VAMP1: variants seen among roughly 807,000 people sequenced by gnomAD.
The protein encoded by VAMP1 is vesicle associated membrane protein 1.
In VAMP1, 16 loss-of-function variants were observed where a neutral mutation model predicts 19.1. The ratio of observed to expected loss-of-function variants is 0.84; its 90% confidence interval spans 0.57 to 1.27. VAMP1 has a LOEUF of 1.27. VAMP1 is among the 50% of genes most tolerant of loss of function. VAMP1 has a pLI of 0.00. For synonymous variants in VAMP1, 37 were observed against 50.2 expected, an observed-to-expected ratio of 0.74 and a Z score of 1.11; for missense variants, 109 against 145.4, an observed-to-expected ratio of 0.75 and a Z score of 1.29.
rs58490491 is a variant in VAMP1, at chr12:6,465,451, C to G, written c.288+391G>C. The G allele has an allele frequency of 4.6e-3, 345 of 74,652 alleles. 15 individuals are homozygous for G. Among genetic ancestry groups the G allele is most frequent in the African/African-American group, 0.021 (331 of 16,136 alleles). The allele number at this position is 74,652 out of a possible 1,614,324, so 4.6% of individuals were successfully genotyped here. On this transcript the variant is annotated intron_variant, in intron 3 of 4. Coordinates refer to ENST00000396308, the MANE Select transcript of VAMP1 (RefSeq NM_014231.5). ...ATAAATGTATATATATGTATATATA[C>G]ATATGTGTATATATAGTGTGTGTGT...
chr12:6,465,360 A>ATATATATATATAAATGTATATATATGTG (rs1565525915), intron 3 of VAMP1: 7 of 187,604 alleles, frequency 3.7e-5, no homozygotes, highest in African/African-American at 2.2e-4. Flanking sequence ...AGAAAAAAGT[A>ATATATATATATAAATGTATATATATGTG]TATATATATA....
chr12:6,464,738 T>C, intron 4 of VAMP1, 152 bp downstream of exon 4: 1 of 1,518,086 alleles, frequency 6.6e-7, no homozygotes, highest in Non-Finnish European at 8.8e-7. Flanking sequence ...GTCTCTGCCC[T>C]TCCCCCGTCC....
chr12:6,463,791 C>G lies in VAMP1; in HGVS notation c.*679G>C. 8.4e-7 allele frequency: 1 copy of G among 1,187,876 alleles called. No homozygotes were observed. Among genetic ancestry groups the G allele is most frequent in the Non-Finnish European group, 1.1e-6 (1 of 942,656 alleles). 73.6% of individuals were successfully genotyped at this position (1,187,876 alleles called of 1,614,324 possible). On this transcript the variant is annotated 3_prime_UTR_variant, in exon 5 of 5. Transcript: ENST00000396308. The surrounding 1 kb of genome is among the most constrained non-coding windows in gnomAD (Gnocchi z 4.0). ...GACTGCTTCTAGGATGGAAACAAGT[C>G]CTGCTATTTTCACAATCCCTAAGTG...
chr12:6,468,080 A>G lies in VAMP1; in HGVS notation c.3-1729T>C, dbSNP rs532870328. Reference sequence around the variant, plus strand: ...ACATGTGGGGTTGGAGCCCCCACACAGAGTCCCCACTGGAACACTGCCTAG... The same window carrying G: ...ACATGTGGGGTTGGAGCCCCCACACGGAGTCCCCACTGGAACACTGCCTAG... On this transcript the variant is annotated intron_variant, in intron 1 of 4. Coordinates refer to ENST00000396308, the MANE Select transcript of VAMP1 (RefSeq NM_014231.5). Among the ~76,000 whole-genome samples, 5 of 152,356 alleles carry G rather than the reference A, an allele frequency of 3.3e-5. No individual in the cohort carries two copies. The East Asian group carries it at 7.7e-4, about 23-fold the overall frequency.
chr12:6,464,321 T>G lies in VAMP1; in HGVS notation c.*149A>C. On this transcript the variant is annotated 3_prime_UTR_variant, in exon 5 of 5. Transcript: ENST00000396308. Reference sequence around the variant, plus strand: ...CTAGTGTTGAGGGACAGAGTGCAAATGAACGCAACGAAAAAGGAGGAATGG... The same window carrying G: ...CTAGTGTTGAGGGACAGAGTGCAAAGGAACGCAACGAAAAAGGAGGAATGG... 6.5e-7 allele frequency: 1 copy of G among 1,547,446 alleles called. No homozygotes were observed. Among genetic ancestry groups the G allele is most frequent in the East Asian group, 2.5e-5 (1 of 40,734 alleles).
chr12:6,468,062 G>C (rs1167689379), intron 1 of VAMP1, among the ~76,000 whole-genome samples: 1 of 152,232 alleles, frequency 6.6e-6, no homozygotes, highest in Non-Finnish European at 1.5e-5. Flanking sequence ...GGGACATGTG[G>C]GGTTGGAGCC....
chr12:6,463,411 T>C lies in VAMP1; in HGVS notation c.*1059A>G, dbSNP rs180779395. ...GGAAGAACCACTTGCCTCATCCCTG[T>C]CTTTGGCAAGTGCACGGGTGGTGTG... On this transcript the variant is annotated 3_prime_UTR_variant, in exon 5 of 5. Transcript: ENST00000396308. This position sits in a 1 kb window ranked among gnomAD's most constrained non-coding sequence, Gnocchi z 4.0. 26 of 1,057,134 alleles carry C rather than the reference T, an allele frequency of 2.5e-5. No individual in the cohort carries two copies. Among genetic ancestry groups the C allele is most frequent in the Non-Finnish European group, 2.9e-5 (25 of 872,324 alleles). 65.5% of individuals were successfully genotyped at this position (1,057,134 alleles called of 1,614,324 possible).
chr12:6,463,975 C>G lies in VAMP1; in HGVS notation c.*495G>C, dbSNP rs1761688691. 1 of 1,290,522 alleles carries G rather than the reference C, an allele frequency of 7.7e-7. No homozygotes were observed. The highest frequency in any genetic ancestry group is 1.5e-5 in the African/African-American group (1 of 65,936). The allele number at this position is 1,290,522 out of a possible 1,614,324, so 79.9% of individuals were successfully genotyped here. On this transcript the variant is annotated 3_prime_UTR_variant, in exon 5 of 5. Coordinates refer to ENST00000396308, the MANE Select transcript of VAMP1 (RefSeq NM_014231.5). This position sits in a 1 kb window ranked among gnomAD's most constrained non-coding sequence, Gnocchi z 4.0. ...TTGGACTTTGGTCCACCCCCAGGAC[C>G]CTCTTCAGGCCTGGTCCAGGAAGGA...
chr12:6,469,728 GAGA>G (rs770837286), intron 1 of VAMP1, among the ~76,000 whole-genome samples: 24 of 152,210 alleles, frequency 1.6e-4, no homozygotes, highest in Admixed American at 4.6e-4. Context: ...GGTCTTGACA[GAGA>G]AGTACTTCGT....
chr12:6,465,735 G>T, intron 3 of VAMP1, 107 bp downstream of exon 3: 2 of 1,432,654 alleles, frequency 1.4e-6, no homozygotes, highest in East Asian at 2.4e-5. Context: ...ATGCTGGTCA[G>T]AGAGATCCTG....
chr12:6,464,518 AAAAGAG>A (rs1167645319), intron 4 of VAMP1, 32 bp from the exon 5 acceptor site: 2 of 1,482,886 alleles, frequency 1.3e-6, no homozygotes, highest in Non-Finnish European at 1.8e-6. Flanking sequence ...TCCCAGACGG[AAAAGAG>A]AAAGAGACAG....
Position 6,465,887 on chromosome 12 carries a change from G to C in VAMP1, c.243C>G (p.Ser81Arg). Residue 81 changes from serine (S) to arginine (R), a missense_variant, in exon 3 of 5, where the codon AGC becomes AGG. Transcript: ENST00000396308. Reference protein sequence around the residue: ...ALQAGASQFESSAAKLKRKYW... With the variant: ...ALQAGASQFERSAAKLKRKYW... ...ACTTCCTCTTTAGCTTGGCAGCACT[G>C]CTCTCAAATTGTGATGCTCCTGCCT... is the stretch of plus-strand genomic sequence containing the variant. The C allele has an allele frequency of 6.2e-7, 1 of 1,614,216 alleles. No individual in the cohort carries two copies. Among genetic ancestry groups the C allele is most frequent in the Non-Finnish European group, 8.5e-7 (1 of 1,180,044 alleles).
In VAMP1 at chr12:6,462,938, C is replaced by T; in HGVS notation, c.*1532G>A. On this transcript the variant is annotated 3_prime_UTR_variant, in exon 5 of 5. Transcript: ENST00000396308. The stretch of plus-strand genomic sequence containing the variant: ...TGCTGCTGCATGGAAAGTGGGCATC[C>T]AGACCCTGCCCAGCATGGCCTCAGC... The T allele has an allele frequency of 1.9e-6, 3 of 1,556,764 alleles. No homozygotes were observed. Among genetic ancestry groups the T allele is most frequent in the Non-Finnish European group, 2.6e-6 (3 of 1,149,918 alleles).
chr12:6,464,511 C>T, intron 4 of VAMP1, 25 bp from the exon 5 acceptor site: 1 of 1,488,354 alleles, frequency 6.7e-7, no homozygotes, highest in Non-Finnish European at 8.9e-7. Flanking sequence ...CAGGAAGTCC[C>T]AGACGGAAAA....
chr12:6,466,287 C>T lies in VAMP1; in HGVS notation c.67G>A (p.Gly23Ser). ...TTACTGGTCATGTTAGGAGGAGGGC[C>T]AGGGGGACCCCCACCTGGGGCAGTC... ...EGTAPGGGPP[G>S]PPPNMTSNRR... Residue 23 changes from glycine to serine, a missense_variant, in exon 2 of 5, where the codon GGC becomes AGC. Gly to Ser is a moderately conservative substitution (Grantham distance 56). Transcript: ENST00000396308. 3 of 1,614,188 alleles carry T rather than the reference C, an allele frequency of 1.9e-6. No individual in the cohort carries two copies. Among genetic ancestry groups the T allele is most frequent in the Non-Finnish European group, 2.5e-6 (3 of 1,180,016 alleles).
intron 3 of VAMP1, among the ~76,000 whole-genome samples, chr12:6,465,572 C>G (rs1950002686): frequency 1.3e-5 from 2 of 151,088 alleles, no homozygotes; most frequent in Admixed American, 1.3e-4. Flanking sequence ...CAGGCAACTC[C>G]TTTGGGGTAA....
At chr12:6,468,589 C>T (rs1945688473) in intron 1 of VAMP1, among the ~76,000 whole-genome samples, 1 of 152,200 alleles carries the variant, frequency 6.6e-6, no homozygotes, top group Non-Finnish European at 1.5e-5. Flanking sequence ...CCTTCCTTTT[C>T]TGGATTTGAC....
At chr12:6,469,198 G>T (rs1165576667) in intron 1 of VAMP1, among the ~76,000 whole-genome samples, 1 of 152,168 alleles carries the variant, frequency 6.6e-6, no homozygotes, top group African/African-American at 2.4e-5. Context: ...GGAGCCACAA[G>T]ACTCTTGTCC....
At chr12:6,465,423 T>G (rs7310393) in intron 3 of VAMP1, 1 of 121,436 alleles carries the variant, frequency 8.2e-6, no homozygotes, top group African/African-American at 3.5e-5. Flanking sequence ...TGTATATATA[T>G]ATATAAATGT....
Sources: gnomAD v4.1 joint callset for allele counts (sites outside exome capture counted in the v4.1 genomes callset) on GRCh38, gnomAD v4.1.1 for gene constraint, Gnocchi (gnomAD v3.1) non-coding constraint, MANE v1.5 for transcripts, NCBI Gene and HGNC (gene_info 2026-07-23, HGNC 2026-07-21) for gene names.